LRRFIP2: variants seen among roughly 807,000 people sequenced by gnomAD.
LRRFIP2 encodes leucine-rich repeat flightless-interacting protein 2.
In LRRFIP2, 109 loss-of-function variants were observed where a neutral mutation model predicts 125.9. The ratio of observed to expected loss-of-function variants is 0.87; its 90% CI spans 0.74 to 1.01. The LOEUF (loss-of-function observed/expected upper bound fraction) is 1.01, where lower values mean the gene tolerates loss of function less well. Ranked by LOEUF, LRRFIP2 falls within the 50% of genes least tolerant of loss-of-function variation. The pLI is 0.00. For missense variants in LRRFIP2, 850 were observed against 862.3 expected, an observed-to-expected ratio of 0.99 and a Z score of 0.18; for synonymous variants, 291 against 293.1, an observed-to-expected ratio of 0.99 and a Z score of 0.07.
At chr3:37,133,773 A>C (rs1040298820) in intron 2 of LRRFIP2, among the ~76,000 whole-genome samples, 3 of 152,220 alleles carry the variant, frequency 2.0e-5, no homozygotes, top group African/African-American at 7.2e-5. Flanking sequence ...TATATACTTA[A>C]ATATAGTTAC....
chr3:37,169,528 G>T (rs1311596009), intron 1 of LRRFIP2, among the ~76,000 whole-genome samples: 2 of 152,126 alleles, frequency 1.3e-5, no homozygotes, highest in Non-Finnish European at 2.9e-5. Context: ...TATTCAGTTT[G>T]TTCATGATTT....
chr3:37,158,766 T>TA (rs542287311), intron 1 of LRRFIP2, among the ~76,000 whole-genome samples: 3 of 152,036 alleles, frequency 2.0e-5, no homozygotes, highest in Admixed American at 6.6e-5. Flanking sequence ...TTTTCAATAT[T>TA]AAAAAAATGC....
Position 37,121,841 on chromosome 3 carries a change from C to CGT in LRRFIP2, c.229-152_229-151dup, listed in dbSNP as rs60540567. 3.2e-3 allele frequency: 1,667 copies of CGT among 521,510 alleles called. 14 individuals are homozygous for CGT. Among genetic ancestry groups the CGT allele is most frequent in the African/African-American group, 0.016 (764 of 48,766 alleles). 32.3% of individuals were successfully genotyped at this position (521,510 alleles called of 1,614,324 possible). On this transcript the variant is annotated intron_variant, in intron 4 of 27. Coordinates refer to ENST00000336686, the MANE Select transcript of LRRFIP2 (RefSeq NM_006309.4). Reference sequence around the variant, plus strand: ...AACTTATCTTAGGGGCAGCCACATTCGTGTGTGTGTGTGTGTGTGTGTGTG... The same window carrying CGT: ...AACTTATCTTAGGGGCAGCCACATTCGTGTGTGTGTGTGTGTGTGTGTGTGTG...
At chr3:37,094,989 G>T in intron 16 of LRRFIP2, 81 bp from the exon 17 acceptor site, 3 of 882,796 alleles carry the variant, frequency 3.4e-6, no homozygotes, top group South Asian at 2.7e-5. Context: ...AGGGCAGGGT[G>T]GTTGGGGGAA....
intron 6 of LRRFIP2, 132 bp from the exon 7 acceptor site, chr3:37,115,227 C>T (rs1383364483): frequency 1.2e-5 from 7 of 592,604 alleles, no homozygotes; most frequent in Non-Finnish European, 2.1e-5. Context: ...AACATGAAAG[C>T]TAATCCAGTT....
chr3:37,144,533 A>C (rs2095807425), intron 2 of LRRFIP2, among the ~76,000 whole-genome samples: 1 of 152,140 alleles, frequency 6.6e-6, no homozygotes, highest in Admixed American at 6.6e-5. Context: ...TGAGCCTTGG[A>C]GTTCGAGTCC....
At chr3:37,109,245 A>G (rs751076732) in intron 11 of LRRFIP2, among the ~76,000 whole-genome samples, 1 of 152,184 alleles carries the variant, frequency 6.6e-6, no homozygotes, top group Non-Finnish European at 1.5e-5. Context: ...CCATCTCACA[A>G]AAGTATGTGA....
intron 13 of LRRFIP2, among the ~76,000 whole-genome samples, chr3:37,106,258 C>T (rs116008039): frequency 0.011 from 1,657 of 152,280 alleles, 39 homozygotes; most frequent in African/African-American, 0.037. Context: ...ATTCCTACAA[C>T]AAGGACAACG....
At chr3:37,102,498 CT>C (rs751506380) in intron 15 of LRRFIP2, among the ~76,000 whole-genome samples, 41,463 of 120,386 alleles carry the variant, frequency 0.34, 5,247 homozygotes, top group Non-Finnish European at 0.4. Context: ...TCAAACAATT[CT>C]TTTTTTTTTT....
intron 19 of LRRFIP2, among the ~76,000 whole-genome samples, chr3:37,078,859 A>G (rs1407860603): frequency 6.6e-6 from 1 of 152,180 alleles, no homozygotes; most frequent in South Asian, 2.1e-4. Flanking sequence ...TTGAGAATCA[A>G]CCTCAAGAGG....
At position 37,115,068 on chromosome 3, in the gene LRRFIP2, T is replaced by G; in HGVS notation, c.358A>C (p.Arg120=). 1.2e-6 allele frequency: 2 copies of G among 1,607,278 alleles called. No individual in the cohort carries two copies. Among genetic ancestry groups the G allele is most frequent in the Non-Finnish European group, 1.7e-6 (2 of 1,175,844 alleles). Residue 120 remains arginine (R), a synonymous_variant, in exon 7 of 28, where the codon AGA becomes CGA. Transcript: ENST00000336686. ...GTGCTACATACTAATGATGAAAGTCTTGATGATCTATCCTTGAACATATCA... is the reference window on the plus strand; with the variant it reads ...GTGCTACATACTAATGATGAAAGTCGTGATGATCTATCCTTGAACATATCA... ...RYDMFKDRSS[R]LSSLNHSYSH...
chr3:37,061,519 T>TAGCTGGGACTAC (rs1428301734), intron 24 of LRRFIP2, among the ~76,000 whole-genome samples: 2 of 151,732 alleles, frequency 1.3e-5, no homozygotes, highest in East Asian at 3.9e-4. Context: ...GCTTCCCAAG[T>TAGCTGGGACTAC]AGCTGGGACT....
chr3:37,052,846 A>T lies in LRRFIP2; in HGVS notation c.*1005T>A, dbSNP rs930833976. ...AGTTGCACTCCATGATTTTAAAAAA[A>T]CCTCTTGGACAGGGTACCTCTAAAG... On this transcript the variant is annotated 3_prime_UTR_variant, in exon 28 of 28. Coordinates refer to ENST00000336686, the MANE Select transcript of LRRFIP2 (RefSeq NM_006309.4). 2.6e-5 allele frequency: 4 copies of T among 152,314 alleles called. No individual in the cohort carries two copies. The South Asian group carries it at 8.3e-4, about 32-fold the overall frequency. 9.4% of individuals were successfully genotyped at this position (152,314 alleles called of 1,614,324 possible).
chr3:37,115,034 CA>C lies in LRRFIP2; in HGVS notation c.372+19del. 1.3e-6 allele frequency: 2 copies of C among 1,582,800 alleles called. No individual in the cohort carries two copies. Among genetic ancestry groups the C allele is most frequent in the Non-Finnish European group, 1.7e-6 (2 of 1,155,176 alleles). On this transcript the variant is annotated intron_variant, in intron 7 of 27. Transcript: ENST00000336686. ...ATAAAGTAAAATTCCACATATAACA[CA>C]AAGTCATGTGCTACATACTAATGAT...
intron 1 of LRRFIP2, among the ~76,000 whole-genome samples, chr3:37,155,946 C>T (rs943531727): frequency 1.3e-5 from 2 of 152,106 alleles, no homozygotes; most frequent in Non-Finnish European, 2.9e-5. Context: ...GCGACCTTGG[C>T]TCACTGCAAC....
intron 19 of LRRFIP2, 36 bp from the exon 20 acceptor site, chr3:37,075,152 A>G (rs922622199): frequency 6.9e-7 from 1 of 1,446,588 alleles, no homozygotes. Flanking sequence ...TACACAGGTC[A>G]TGGCACACAA....
chr3:37,127,947 G>A (rs998868622), intron 3 of LRRFIP2, among the ~76,000 whole-genome samples: 3 of 151,960 alleles, frequency 2.0e-5, no homozygotes, highest in African/African-American at 4.8e-5. Context: ...TTTGAGACAG[G>A]ATCTCACTTA....
intron 1 of LRRFIP2, among the ~76,000 whole-genome samples, chr3:37,165,253 A>G (rs914611712): frequency 6.6e-6 from 1 of 151,914 alleles, no homozygotes; most frequent in South Asian, 2.1e-4. Flanking sequence ...AAACAAAAAA[A>G]CAAAAAAAAA....
intron 19 of LRRFIP2, among the ~76,000 whole-genome samples, chr3:37,079,392 A>C (rs2092424842): frequency 6.6e-6 from 1 of 152,212 alleles, no homozygotes; most frequent in South Asian, 2.1e-4. Context: ...GGTTAAACAC[A>C]GATTTATCGT....
Sources: allele counts gnomAD v4.1 joint callset (sites outside exome capture counted in the v4.1 genomes callset), GRCh38; gene constraint gnomAD v4.1.1; transcripts MANE v1.5; gene names NCBI Gene and HGNC (gene_info 2026-07-23, HGNC 2026-07-21).